Variants in PALLD observed in about 807,000 individuals in gnomAD.
PALLD encodes palladin, cytoskeletal associated protein.
In PALLD, 61 loss-of-function variants were observed where a neutral mutation model predicts 123.5. That is an observed-to-expected ratio of 0.49 (90% CI 0.40 to 0.61). PALLD has a LOEUF of 0.61. PALLD is among the 20% of genes least tolerant of loss of function. The pLI is 0.00. For missense variants in PALLD, 1,273 were observed against 1,377.0 expected (o/e 0.92, Z 1.20); for synonymous variants, 465 against 496.4 (o/e 0.94, Z 0.84).
intron 3 of PALLD, among the ~76,000 whole-genome samples, chr4:168,674,223 CTG>C: frequency 6.6e-6 from 1 of 152,288 alleles, no homozygotes; most frequent in South Asian, 2.1e-4. Context: ...CCTGAACATG[CTG>C]TGTTTGAAAT....
At chr4:168,536,258 G>A (rs983884937) in intron 2 of PALLD, among the ~76,000 whole-genome samples, 3 of 152,058 alleles carry the variant, frequency 2.0e-5, no homozygotes, top group African/African-American at 7.2e-5. Context: ...AAAACAAAAC[G>A]AAAGGAAATG....
chr4:168,647,780 C>CAAAAAAAAA (rs34790739), intron 2 of PALLD: 1 of 79,138 alleles, frequency 1.3e-5, no homozygotes, highest in Non-Finnish European at 2.4e-5. Context: ...GACTCTGTCT[C>CAAAAAAAAA]AAAAAAAAAA....
At chr4:168,819,572 C>G (rs950597544) in intron 10 of PALLD, among the ~76,000 whole-genome samples, 1 of 152,206 alleles carries the variant, frequency 6.6e-6, no homozygotes, top group African/African-American at 2.4e-5. Context: ...AAGAGCAGTT[C>G]ATTTAATCTT....
intron 10 of PALLD, among the ~76,000 whole-genome samples, chr4:168,849,204 A>G (rs1747365734): frequency 6.6e-6 from 1 of 152,252 alleles, no homozygotes; most frequent in Non-Finnish European, 1.5e-5. Flanking sequence ...TCAGAGGAAG[A>G]GATAAGCTGC....
chr4:168,652,477 TTA>T (rs1337081188), intron 2 of PALLD, among the ~76,000 whole-genome samples: 2 of 152,228 alleles, frequency 1.3e-5, no homozygotes, highest in Non-Finnish European at 2.9e-5. Flanking sequence ...TTTTTATTTT[TTA>T]TATGTTTTTA....
intron 10 of PALLD, among the ~76,000 whole-genome samples, chr4:168,719,288 C>T (rs1355010639): frequency 8.8e-5 from 10 of 113,122 alleles, no homozygotes; most frequent in African/African-American, 1.4e-4. Context: ...GAAAAATTCT[C>T]GCTCTGTCAC....
chr4:168,819,245 T>C (rs927768378), intron 10 of PALLD, among the ~76,000 whole-genome samples: 17 of 152,196 alleles, frequency 1.1e-4, no homozygotes, highest in African/African-American at 4.1e-4. Flanking sequence ...AAAATGTCAA[T>C]TATTTAAAAA....
intron 10 of PALLD, among the ~76,000 whole-genome samples, chr4:168,730,826 A>C (rs1408073844): frequency 6.6e-6 from 1 of 152,080 alleles, no homozygotes; most frequent in African/African-American, 2.4e-5. Flanking sequence ...AGACATATGC[A>C]TCCATCTAAT....
chr4:168,785,846 G>GAGATATATAGATATATATATATATATAT (rs764117358), intron 10 of PALLD, among the ~76,000 whole-genome samples: 1 of 80,898 alleles, frequency 1.2e-5, no homozygotes, highest in Non-Finnish European at 2.8e-5. Context: ...AAACTGTAGA[G>GAGATATATAGATATATATATATATATAT]ATATATATAT....
intron 10 of PALLD, among the ~76,000 whole-genome samples, chr4:168,765,521 C>T (rs1348696297): frequency 3.9e-5 from 6 of 152,160 alleles, no homozygotes; most frequent in Non-Finnish European, 8.8e-5. Context: ...CCCACTGTCA[C>T]CCACTTCACA....
intron 2 of PALLD, among the ~76,000 whole-genome samples, chr4:168,581,155 C>G (rs1179230041): frequency 6.6e-6 from 1 of 151,764 alleles, no homozygotes; most frequent in Non-Finnish European, 1.5e-5. Flanking sequence ...AAAAAAATAC[C>G]CAGATCCTTA....
intron 2 of PALLD, among the ~76,000 whole-genome samples, chr4:168,637,159 G>A (rs1238921645): frequency 8.5e-5 from 13 of 152,174 alleles, no homozygotes; most frequent in Admixed American, 7.9e-4. Context: ...TTCAGCAGGT[G>A]TGACAAGCAG....
At chr4:168,541,225 CT>C (rs1265287458) in intron 2 of PALLD, among the ~76,000 whole-genome samples, 2 of 152,170 alleles carry the variant, frequency 1.3e-5, no homozygotes, top group Non-Finnish European at 2.9e-5. Context: ...TGCACTCATT[CT>C]TTATCTGTTT....
intron 2 of PALLD, among the ~76,000 whole-genome samples, chr4:168,601,891 C>T (rs779462516): frequency 6.6e-6 from 1 of 152,174 alleles, no homozygotes; most frequent in Non-Finnish European, 1.5e-5. Flanking sequence ...AGTATTTCCT[C>T]CTACCTCTTA....
intron 2 of PALLD, among the ~76,000 whole-genome samples, chr4:168,528,547 C>T (rs770252484): frequency 5.9e-5 from 9 of 152,172 alleles, no homozygotes; most frequent in Non-Finnish European, 8.8e-5. Context: ...CCAGTTATCT[C>T]GCAAGCTCTG....
intron 2 of PALLD, among the ~76,000 whole-genome samples, chr4:168,580,894 C>T (rs888095671): frequency 6.6e-6 from 1 of 151,824 alleles, no homozygotes; most frequent in Non-Finnish European, 1.5e-5. Flanking sequence ...ACTGCATGTT[C>T]TCACTTATAA....
intron 10 of PALLD, among the ~76,000 whole-genome samples, chr4:168,740,075 T>G (rs1207242353): frequency 2.0e-5 from 3 of 152,042 alleles, no homozygotes; most frequent in African/African-American, 7.2e-5. Context: ...GGAAAAAAAA[T>G]GACACATGCC....
intron 10 of PALLD, among the ~76,000 whole-genome samples, chr4:168,720,032 C>T (rs772125643): frequency 6.6e-6 from 1 of 152,152 alleles, no homozygotes; most frequent in Non-Finnish European, 1.5e-5. Context: ...TAGTAGAACA[C>T]CATTCATCCC....
Position 168,807,538 on chromosome 4 carries a change from T to C in PALLD, c.1965-83384T>C, listed in dbSNP as rs1442867515. 2.6e-5 allele frequency among the ~76,000 whole-genome samples: 4 copies of C among 152,120 alleles called. No individual in the cohort carries two copies. The East Asian group carries it at 7.7e-4, about 29-fold the overall frequency. ...GATTCTACTGCCTCGGCCTCCTGAA[T>C]AGCTGAGATTACAGGCAAGCGCCAC... On this transcript the variant is annotated intron_variant, in intron 10 of 21. Coordinates refer to ENST00000505667, the MANE Select transcript of PALLD (RefSeq NM_001166108.2).
Sources: gnomAD v4.1 joint callset for allele counts (sites outside exome capture counted in the v4.1 genomes callset) on GRCh38, gnomAD v4.1.1 for gene constraint, MANE v1.5 for transcripts, NCBI Gene and HGNC (gene_info 2026-07-23, HGNC 2026-07-21) for gene names.